The following ANKFN1 variants were observed in gnomAD, a reference collection of about 807,000 sequenced individuals.
ANKFN1 encodes ankyrin repeat and fibronectin type III domain containing 1.
In ANKFN1, 74 loss-of-function variants were observed where a neutral mutation model predicts 108.7. The observed-to-expected ratio is 0.68, with a 90% CI of 0.56 to 0.83. The LOEUF is 0.83. ANKFN1 is among the 40% of genes least tolerant of loss of function. The pLI, the probability that ANKFN1 is intolerant of heterozygous loss-of-function variation, is 0.00. For synonymous variants in ANKFN1, 547 were observed against 516.2 expected (o/e 1.06, Z -0.81); for missense variants, 1,505 against 1,382.3 (o/e 1.09, Z -1.41).
chr17:56,208,799 C>T (rs1394088188), intron 1 of ANKFN1, among the ~76,000 whole-genome samples: 1 of 152,172 alleles, frequency 6.6e-6, no homozygotes, highest in African/African-American at 2.4e-5. Flanking sequence ...TCTGGACAAT[C>T]TTTCGGGACA....
chr17:56,364,050 C>A (rs1427186607), intron 6 of ANKFN1, among the ~76,000 whole-genome samples: 2 of 152,012 alleles, frequency 1.3e-5, no homozygotes, highest in African/African-American at 4.8e-5. Flanking sequence ...GTGTATTGTA[C>A]ATTTCAAAAT....
At chr17:56,471,600 G>A (rs1284876472) in intron 15 of ANKFN1, 1 of 152,178 alleles carries the variant, frequency 6.6e-6, no homozygotes, top group African/African-American at 2.4e-5. Flanking sequence ...AATGTTCATA[G>A]AAGCATTATT....
intron 4 of ANKFN1, among the ~76,000 whole-genome samples, chr17:56,105,958 C>A (rs1337200426): frequency 6.6e-6 from 1 of 152,000 alleles, no homozygotes; most frequent in Non-Finnish European, 1.5e-5. Flanking sequence ...TTCATGACAG[C>A]CCCTACAGCA....
chr17:56,121,309 T>C (rs1906606059), intron 4 of ANKFN1, among the ~76,000 whole-genome samples: 1 of 152,148 alleles, frequency 6.6e-6, no homozygotes, highest in South Asian at 2.1e-4. Flanking sequence ...CTCTCTTCAG[T>C]TGAACGTCTT....
intron 3 of ANKFN1, among the ~76,000 whole-genome samples, chr17:56,270,676 C>T (rs1305969850): frequency 1.3e-5 from 2 of 152,204 alleles, no homozygotes; most frequent in African/African-American, 2.4e-5. Flanking sequence ...GACCAAGCCT[C>T]ATTGGCTCCT....
intron 3 of ANKFN1, among the ~76,000 whole-genome samples, chr17:56,243,352 C>T (rs1917726764): frequency 6.6e-6 from 1 of 152,108 alleles, no homozygotes; most frequent in African/African-American, 2.4e-5. Context: ...GGATTATGCT[C>T]CTGCTCCATG....
At chr17:56,359,704 A>G (rs1353834277) in intron 6 of ANKFN1, among the ~76,000 whole-genome samples, 3 of 152,242 alleles carry the variant, frequency 2.0e-5, no homozygotes, top group South Asian at 2.1e-4. Context: ...TTTCTGCAGT[A>G]GTAAGGGGTT....
intron 3 of ANKFN1, among the ~76,000 whole-genome samples, chr17:56,306,964 A>G (rs1453208283): frequency 6.6e-6 from 1 of 152,228 alleles, no homozygotes; most frequent in African/African-American, 2.4e-5. Context: ...CCTGACAAAA[A>G]CAAGAAATGG....
chr17:56,236,833 C>T (rs768591982), intron 3 of ANKFN1, among the ~76,000 whole-genome samples: 2 of 152,122 alleles, frequency 1.3e-5, no homozygotes, highest in Non-Finnish European at 2.9e-5. Flanking sequence ...TGAGAGAGGG[C>T]ATCCTTGACT....
chr17:56,171,339 T>C (rs1910681753), intron 1 of ANKFN1, among the ~76,000 whole-genome samples: 1 of 152,112 alleles, frequency 6.6e-6, no homozygotes, highest in Non-Finnish European at 1.5e-5. Flanking sequence ...GAATCCTGTC[T>C]CCAGGATTAA....
chr17:56,331,424 G>A (rs114406363), intron 4 of ANKFN1, among the ~76,000 whole-genome samples: 1,770 of 152,222 alleles, frequency 0.012, 34 homozygotes, highest in African/African-American at 0.04. Flanking sequence ...ATCCAGACTG[G>A]CTCAGACCTT....
chr17:56,147,310 C>A (rs979788890), intron 4 of ANKFN1, among the ~76,000 whole-genome samples: 1 of 152,162 alleles, frequency 6.6e-6, no homozygotes, highest in Non-Finnish European at 1.5e-5. Flanking sequence ...TTTGGGTATC[C>A]TTATAGCAGC....
chr17:56,341,166 T>A (rs1043044777), intron 4 of ANKFN1, among the ~76,000 whole-genome samples: 1 of 152,132 alleles, frequency 6.6e-6, no homozygotes, highest in Non-Finnish European at 1.5e-5. Flanking sequence ...ATCCTGAGAC[T>A]TTGCTAAAGT....
intron 14 of ANKFN1, among the ~76,000 whole-genome samples, chr17:56,459,770 G>A (rs1476507889): frequency 6.6e-6 from 1 of 152,128 alleles, no homozygotes; most frequent in African/African-American, 2.4e-5. Context: ...ACAAGTCAGT[G>A]CAGTCAGACG....
chr17:56,370,341 A>T (rs1197744102), intron 6 of ANKFN1, among the ~76,000 whole-genome samples: 2 of 152,226 alleles, frequency 1.3e-5, no homozygotes, highest in Non-Finnish European at 2.9e-5. Context: ...AAGCAGAAAA[A>T]TTGTCAGAAG....
intron 2 of ANKFN1, among the ~76,000 whole-genome samples, chr17:56,222,874 G>A (rs920421207): frequency 2.6e-5 from 4 of 152,198 alleles, no homozygotes; most frequent in Non-Finnish European, 4.4e-5. Context: ...CTACTTTAGA[G>A]TATAAGACCA....
At chr17:56,434,046 A>T (rs2048851418) in intron 8 of ANKFN1, among the ~76,000 whole-genome samples, 1 of 152,172 alleles carries the variant, frequency 6.6e-6, no homozygotes, top group Non-Finnish European at 1.5e-5. Context: ...AACAAAAAAA[A>T]ATTTAGGTAA....
chr17:56,506,093 A>C (rs1292560139), intron 20 of ANKFN1, among the ~76,000 whole-genome samples: 1 of 152,076 alleles, frequency 6.6e-6, no homozygotes, highest in Non-Finnish European at 1.5e-5. Flanking sequence ...TTTAAGTTCT[A>C]GGGTACATGT....
intron 4 of ANKFN1, among the ~76,000 whole-genome samples, chr17:56,141,777 C>T (rs1252418832): frequency 6.6e-6 from 1 of 152,084 alleles, no homozygotes; most frequent in Non-Finnish European, 1.5e-5. Flanking sequence ...TGAAGCAGAA[C>T]AATCAGTGTG....
Sources: allele counts gnomAD v4.1 joint callset (sites outside exome capture counted in the v4.1 genomes callset), GRCh38; gene constraint gnomAD v4.1.1; transcripts MANE v1.5; gene names NCBI Gene and HGNC (gene_info 2026-07-23, HGNC 2026-07-21).